The following DIAPH3 variants were observed in gnomAD, a reference collection of about 807,000 sequenced individuals.
The protein encoded by DIAPH3 is protein diaphanous homolog 3.
Under a neutral mutation model 144.3 loss-of-function variants are expected in DIAPH3, and 117 were observed. That is an observed-to-expected ratio of 0.81 (90% confidence interval 0.70 to 0.95). The LOEUF (loss-of-function observed/expected upper bound fraction) is 0.95. Among genes scored for constraint, DIAPH3 ranks in the 40% least tolerant of loss-of-function variants. The probability of loss-of-function intolerance (pLI) is 0.00; values close to 1 mark genes in which losing one functional copy is unlikely to be tolerated. For missense variants in DIAPH3, 1,421 were observed against 1,412.7 expected, an observed-to-expected ratio of 1.01 and a Z score of -0.09; for synonymous variants, 519 against 488.9, an observed-to-expected ratio of 1.06 and a Z score of -0.81.
chr13:59,890,526 T>G (rs2045720990), intron 20 of DIAPH3, among the ~76,000 whole-genome samples: 1 of 152,034 alleles, frequency 6.6e-6, no homozygotes, highest in Non-Finnish European at 1.5e-5. Flanking sequence ...TTTTAAGTTT[T>G]CTGATGTTGA....
intron 27 of DIAPH3, among the ~76,000 whole-genome samples, chr13:59,748,127 C>G (rs149346636): frequency 1.3e-5 from 2 of 152,104 alleles, no homozygotes; most frequent in Admixed American, 6.5e-5. Flanking sequence ...GGTAGAGTTC[C>G]GGGTACCAAA....
At chr13:60,025,982 T>A (rs189983492) in intron 5 of DIAPH3, among the ~76,000 whole-genome samples, 9 of 152,318 alleles carry the variant, frequency 5.9e-5, no homozygotes, top group Admixed American at 4.6e-4. Context: ...ATGATGCTCA[T>A]ATATCTTAAG....
chr13:60,131,613 G>C (rs2059144811), intron 2 of DIAPH3, among the ~76,000 whole-genome samples: 1 of 152,046 alleles, frequency 6.6e-6, no homozygotes, highest in Non-Finnish European at 1.5e-5. Flanking sequence ...AAAGTAGATT[G>C]GTGGTTGCCT....
intron 14 of DIAPH3, among the ~76,000 whole-genome samples, chr13:59,976,656 C>T (rs2050695904): frequency 6.6e-6 from 1 of 151,706 alleles, no homozygotes; most frequent in African/African-American, 2.4e-5. Context: ...TGGGTTTCTA[C>T]AAAATCCAAC....
At chr13:59,987,764 A>G (rs948405691) in intron 12 of DIAPH3, among the ~76,000 whole-genome samples, 1 of 151,578 alleles carries the variant, frequency 6.6e-6, no homozygotes, top group Middle Eastern at 3.4e-3. Flanking sequence ...ACTCATCATT[A>G]GTACAGAGGA....
chr13:59,903,611 TAA>T (rs60950452), intron 20 of DIAPH3, among the ~76,000 whole-genome samples: 10 of 140,832 alleles, frequency 7.1e-5, no homozygotes, highest in Non-Finnish European at 7.8e-5. Flanking sequence ...TTCTATTCTT[TAA>T]AAAAAAAAAA....
chr13:60,046,739 T>C (rs910139853), intron 4 of DIAPH3, among the ~76,000 whole-genome samples: 2 of 152,092 alleles, frequency 1.3e-5, no homozygotes, highest in Non-Finnish European at 2.9e-5. Context: ...CCATCAATGA[T>C]AGACTGGATA....
chr13:59,916,059 T>G, intron 19 of DIAPH3, 96 bp downstream of exon 19: 2 of 1,025,748 alleles, frequency 1.9e-6, no homozygotes, highest in African/African-American at 1.6e-5. Context: ...TCCAGTTGAA[T>G]GATTTGGGTG....
chr13:60,061,086 A>G (rs1003344074), intron 4 of DIAPH3, among the ~76,000 whole-genome samples: 2 of 152,108 alleles, frequency 1.3e-5, no homozygotes, highest in Non-Finnish European at 1.5e-5. Flanking sequence ...AGATGTCCCA[A>G]TTGTTGCCTA....
chr13:59,730,549 T>A (rs757967006), intron 27 of DIAPH3, among the ~76,000 whole-genome samples: 5 of 152,158 alleles, frequency 3.3e-5, no homozygotes, highest in Non-Finnish European at 7.3e-5. Flanking sequence ...TACATTTAGC[T>A]ATTCCAAGGA....
chr13:59,666,978 A>G, intron 27 of DIAPH3, 132 bp from the exon 28 acceptor site: 1 of 1,077,890 alleles, frequency 9.3e-7, no homozygotes, highest in Admixed American at 2.2e-5. Context: ...ACAAAGAAAC[A>G]GTCAACAGAG....
chr13:59,989,965 A>T (rs964467212), intron 12 of DIAPH3, among the ~76,000 whole-genome samples: 1 of 151,964 alleles, frequency 6.6e-6, no homozygotes, highest in Non-Finnish European at 1.5e-5. Flanking sequence ...CTTTAGAGTA[A>T]ATAGAAGTTT....
At chr13:59,987,320 T>G (rs1594235379) in intron 12 of DIAPH3, among the ~76,000 whole-genome samples, 1 of 138,078 alleles carries the variant, frequency 7.2e-6, no homozygotes, top group Non-Finnish European at 1.5e-5. Flanking sequence ...CTCTGGGGAC[T>G]GTGGTGGGGT....
At chr13:59,888,059 T>C (rs2045561928) in intron 20 of DIAPH3, among the ~76,000 whole-genome samples, 1 of 152,156 alleles carries the variant, frequency 6.6e-6, no homozygotes. Context: ...GTTTTCCATA[T>C]GTCCTTTCTG....
At chr13:59,812,455 C>A (rs2139571339) in intron 24 of DIAPH3, among the ~76,000 whole-genome samples, 1 of 152,162 alleles carries the variant, frequency 6.6e-6, no homozygotes, top group Admixed American at 6.5e-5. Flanking sequence ...AGAGAGCACA[C>A]TAAAACAAGT....
intron 17 of DIAPH3, among the ~76,000 whole-genome samples, chr13:59,957,819 T>C: frequency 6.6e-6 from 1 of 152,136 alleles, no homozygotes; most frequent in Non-Finnish European, 1.5e-5. Flanking sequence ...ATACCCCTCA[T>C]TTAAAAACAA....
At position 59,923,787 on chromosome 13, in the gene DIAPH3, A is replaced by G. The variant is rs566235572; in HGVS notation, c.2170+988T>C. On this transcript the variant is annotated intron_variant, in intron 18 of 27. Coordinates refer to ENST00000400324, the MANE Select transcript of DIAPH3 (RefSeq NM_001042517.2). The stretch of plus-strand genomic sequence containing the variant: ...CAATGCCGCCATACTATCCATGGGG[A>G]TCTTGGCAGGCCTGCATTGTAGAAA... Among the ~76,000 whole-genome samples, 5 of 152,294 alleles carry G rather than the reference A, an allele frequency of 3.3e-5. No individual in the cohort carries two copies. In the South Asian group the frequency reaches 1.0e-3, roughly 32 times the overall value.
At chr13:59,997,629 C>T (rs1043786151) in intron 9 of DIAPH3, among the ~76,000 whole-genome samples, 2 of 151,978 alleles carry the variant, frequency 1.3e-5, no homozygotes, top group Non-Finnish European at 2.9e-5. Context: ...AACTTAAGCA[C>T]AAAATTCAAG....
chr13:60,148,398 C>T (rs954729433), intron 1 of DIAPH3, among the ~76,000 whole-genome samples: 4 of 152,166 alleles, frequency 2.6e-5, no homozygotes, highest in African/African-American at 9.7e-5. Context: ...ATTAAAAATT[C>T]AGCTCTTTGG....
Sources: gnomAD v4.1 joint callset for allele counts (sites outside exome capture counted in the v4.1 genomes callset) on GRCh38, gnomAD v4.1.1 for gene constraint, MANE v1.5 for transcripts, NCBI Gene and HGNC (gene_info 2026-07-23, HGNC 2026-07-21) for gene names.